The following RAP1GAP2 variants were observed in gnomAD, a reference collection of about 807,000 sequenced individuals.
The protein encoded by RAP1GAP2 is rap1 GTPase-activating protein 2.
RAP1GAP2 carries 27 observed loss-of-function variants against 95.0 expected under a neutral mutation model. The ratio of observed to expected loss-of-function variants is 0.28; its 90% CI spans 0.21 to 0.39. The LOEUF (loss-of-function observed/expected upper bound fraction) is 0.39, where lower values mean the gene tolerates loss of function less well. RAP1GAP2 is among the 10% of genes least tolerant of loss of function. RAP1GAP2 has a pLI of 1.00. For synonymous variants in RAP1GAP2, 373 were observed against 380.9 expected, an observed-to-expected ratio of 0.98 and a Z score of 0.24; for missense variants, 771 against 970.0, an observed-to-expected ratio of 0.79 and a Z score of 2.72.
chr17:2,927,437 G>A (rs1010501629), intron 3 of RAP1GAP2, among the ~76,000 whole-genome samples: 2 of 152,190 alleles, frequency 1.3e-5, no homozygotes, highest in Non-Finnish European at 2.9e-5. Context: ...ACAGGCGTGA[G>A]CCACCGCGCC....
rs1294700773 is a variant in RAP1GAP2 at position 3,027,013 on chromosome 17, G to A, written c.2050G>A (p.Glu684Lys). The A allele has an allele frequency of 3.8e-6, 6 of 1,568,860 alleles. No individual in the cohort carries two copies. Among genetic ancestry groups the A allele is most frequent in the Non-Finnish European group, 3.5e-6 (4 of 1,157,200 alleles). ...VFVYSPSPSS[E>K]SPSLGAAATP... Reference sequence around the variant, plus strand: ...TGTCTACAGCCCGTCCCCGAGCAGCGAGAGCCCCAGCCTGGGGGCAGCTGC... The same window carrying A: ...TGTCTACAGCCCGTCCCCGAGCAGCAAGAGCCCCAGCCTGGGGGCAGCTGC... The change falls in exon 22 of 25, where the codon GAG becomes AAG. Residue 684 changes from glutamate (E) to lysine (K), a missense_variant. Physicochemically the swap from Glu to Lys is moderately conservative, Grantham distance 56 (BLOSUM62 1). Transcript: ENST00000254695. The surrounding 1 kb of genome is among the most constrained non-coding windows in gnomAD (Gnocchi z 5.2).
At chr17:2,919,379 G>A (rs1293880374) in intron 3 of RAP1GAP2, among the ~76,000 whole-genome samples, 1 of 152,240 alleles carries the variant, frequency 6.6e-6, no homozygotes, top group African/African-American at 2.4e-5. Context: ...ACTAGACTGA[G>A]TCGAGACTTG....
rs960872646 is a variant in RAP1GAP2, at chr17:2,857,800, C to A, written c.81-47484C>A. 1.3e-5 allele frequency among the ~76,000 whole-genome samples: 2 copies of A among 152,144 alleles called. No individual in the cohort carries two copies. The highest frequency in any genetic ancestry group is 6.6e-5 in the Admixed American group (1 of 15,264). On this transcript the variant is annotated intron_variant, in intron 2 of 24. Coordinates refer to ENST00000254695, the MANE Select transcript of RAP1GAP2 (RefSeq NM_015085.5). The surrounding 1 kb of genome is among the most constrained non-coding windows in gnomAD (Gnocchi z 4.0). ...AAGGACGGAGGCCGAGGAACACGAT[C>A]AAAATATGTACGTTCTTGGCCGGGC...
chr17:2,931,164 A>G (rs1027461039), intron 3 of RAP1GAP2, among the ~76,000 whole-genome samples: 2 of 150,842 alleles, frequency 1.3e-5, no homozygotes, highest in Non-Finnish European at 3.0e-5. Flanking sequence ...AAACCACAAC[A>G]GATGATAACT....
intron 2 of RAP1GAP2, chr17:2,854,187 T>C: frequency 1.0e-6 from 1 of 974,410 alleles, no homozygotes; most frequent in Non-Finnish European, 1.2e-6. Context: ...CGATGGGTGT[T>C]TGGTTCCGTG....
chr17:2,886,830 C>G (rs1567743484), intron 2 of RAP1GAP2, among the ~76,000 whole-genome samples: 1 of 152,158 alleles, frequency 6.6e-6, no homozygotes, highest in Non-Finnish European at 1.5e-5. Context: ...GTGCAACAGG[C>G]AAGTCATCCA....
chr17:3,018,013 C>T, intron 17 of RAP1GAP2, 48 bp from the exon 18 acceptor site: 1 of 1,537,892 alleles, frequency 6.5e-7, no homozygotes, highest in East Asian at 2.5e-5. Context: ...GCAGAGTCAT[C>T]CGGAGAGCCC....
intron 2 of RAP1GAP2, among the ~76,000 whole-genome samples, chr17:2,886,578 A>T (rs1332677898): frequency 6.6e-6 from 1 of 152,228 alleles, no homozygotes; most frequent in Non-Finnish European, 1.5e-5. Flanking sequence ...ATTTAACAGG[A>T]TACTTTTGTA....
intron 11 of RAP1GAP2, among the ~76,000 whole-genome samples, chr17:2,985,549 A>G (rs989669907): frequency 1.3e-5 from 2 of 152,138 alleles, no homozygotes; most frequent in African/African-American, 4.8e-5. Context: ...TGGTGGAAGT[A>G]TTTACACTAT....
rs775812605 is a variant in RAP1GAP2 at position 2,902,220 on chromosome 17, C to CTTT, written c.81-3052_81-3050dup. 1.4e-5 allele frequency among the ~76,000 whole-genome samples: 2 copies of CTTT among 144,766 alleles called. No individual in the cohort carries two copies. Among genetic ancestry groups the CTTT allele is most frequent in the African/African-American group, 5.0e-5 (2 of 39,682 alleles). 95.0% of individuals were successfully genotyped at this position (144,766 alleles called of 152,430 possible). On this transcript the variant is annotated intron_variant, in intron 2 of 24. Transcript: ENST00000254695. This position sits in a 1 kb window ranked among gnomAD's most constrained non-coding sequence, Gnocchi z 4.1. Reference sequence around the variant, plus strand: ...TTTCTTCACATTGTTGCCTTCCCTTCTTTTTTTTTTTTTTGAGATGGAGTC... The same window carrying CTTT: ...TTTCTTCACATTGTTGCCTTCCCTTCTTTTTTTTTTTTTTTTTGAGATGGAGTC...
intron 3 of RAP1GAP2, among the ~76,000 whole-genome samples, chr17:2,940,862 A>T (rs998927082): frequency 6.6e-6 from 1 of 151,804 alleles, no homozygotes; most frequent in Non-Finnish European, 1.5e-5. Context: ...CTTTTTCTCT[A>T]TGGGAGTCAA....
intron 3 of RAP1GAP2, among the ~76,000 whole-genome samples, chr17:2,918,161 C>T (rs2042629943): frequency 1.3e-5 from 2 of 151,906 alleles, no homozygotes; most frequent in South Asian, 4.2e-4. Flanking sequence ...TTTGGCCAGG[C>T]GTGGTGGCTC....
In RAP1GAP2 at chr17:3,037,388, C is replaced by T. The variant is rs1363884597; in HGVS notation, c.*4027C>T. 7.5e-6 allele frequency: 1 copy of T among 134,202 alleles called. No homozygotes were observed. Among genetic ancestry groups the T allele is most frequent in the Admixed American group, 7.8e-5 (1 of 12,804 alleles). The allele number at this position is 134,202 out of a possible 1,614,324, so 8.3% of individuals were successfully genotyped here. A position where few individuals can be genotyped will look rare whatever the true frequency, so the allele number is the denominator to read the frequency against. ...TACCCCCCCCCCCCCGCTTCCTGCT[C>T]CTTAGCATGCGTGCAGCTCTCTCCT... is the stretch of plus-strand genomic sequence containing the variant. On this transcript the variant is annotated 3_prime_UTR_variant, in exon 25 of 25. Transcript: ENST00000254695.
At chr17:2,830,619 C>G (rs1216518706) in intron 2 of RAP1GAP2, among the ~76,000 whole-genome samples, 5 of 150,374 alleles carry the variant, frequency 3.3e-5, no homozygotes, top group Admixed American at 2.0e-4. Context: ...GAAGCTGAGG[C>G]AGGAGAATCG....
intron 3 of RAP1GAP2, among the ~76,000 whole-genome samples, chr17:2,924,112 T>A (rs2042878696): frequency 6.6e-6 from 1 of 152,222 alleles, no homozygotes; most frequent in South Asian, 2.1e-4. Context: ...GATATTAATT[T>A]AAAAAGGTAA....
chr17:2,771,464 T>TC (rs2068392095), intron 2 of RAP1GAP2, among the ~76,000 whole-genome samples: 1 of 145,500 alleles, frequency 6.9e-6, no homozygotes, highest in African/African-American at 2.5e-5. Flanking sequence ...CTTTCCACTT[T>TC]CCCCATCAAA....
chr17:2,841,128 C>G (rs908893701), intron 2 of RAP1GAP2, among the ~76,000 whole-genome samples: 1 of 151,902 alleles, frequency 6.6e-6, no homozygotes, highest in Non-Finnish European at 1.5e-5. Flanking sequence ...GCACTCCAGC[C>G]TGGGCAAGAA....
rs71153311 is a variant in RAP1GAP2 at position 2,932,584 on chromosome 17, CAA to C, written c.166-25156_166-25155del. Reference sequence around the variant, plus strand: ...TGGGTGACAGAGTGAGACTCCATCTCAAAAAAAAAAAAAAAAAAAAGAGGAGC... The same window carrying C: ...TGGGTGACAGAGTGAGACTCCATCTCAAAAAAAAAAAAAAAAAAGAGGAGC... On this transcript the variant is annotated intron_variant, in intron 3 of 24. Coordinates refer to ENST00000254695, the MANE Select transcript of RAP1GAP2 (RefSeq NM_015085.5). Among the ~76,000 whole-genome samples the C allele has an allele frequency of 4.9e-3, 255 of 52,326 alleles. 4 individuals carry two copies. In the East Asian group the frequency reaches 0.12, roughly 25 times the overall value. The allele number at this position is 52,326 out of a possible 152,430, so 34.3% of individuals were successfully genotyped here.
At chr17:2,773,763 ATTTATTC>A (rs2068441858), upstream of RAP1GAP2, among the ~76,000 whole-genome samples, 1 of 117,216 alleles carries the variant, frequency 8.5e-6, no homozygotes, top group Non-Finnish European at 1.8e-5. Flanking sequence ...TTATTTATTT[ATTTATTC>A]TTTTTTGAGA....
Sources: gnomAD v4.1 joint callset for allele counts (sites outside exome capture counted in the v4.1 genomes callset) on GRCh38, gnomAD v4.1.1 for gene constraint, Gnocchi (gnomAD v3.1) non-coding constraint, MANE v1.5 for transcripts, NCBI Gene and HGNC (gene_info 2026-07-23, HGNC 2026-07-21) for gene names.